Variants in FUT5 observed in about 807,000 individuals in gnomAD.
FUT5 encodes 4-galactosyl-N-acetylglucosaminide 3-alpha-L-fucosyltransferase FUT5.
Under a neutral mutation model 0.8 loss-of-function variants are expected in FUT5, and 1 was observed. The ratio of observed to expected loss-of-function variants is 1.26; its 90% CI spans 0.45 to 5.99. The LOEUF (loss-of-function observed/expected upper bound fraction) is 5.99. Ranked by LOEUF, FUT5 falls within the 30% of genes most tolerant of loss-of-function variation. The probability of loss-of-function intolerance (pLI) is 0.15; values close to 1 mark genes in which losing one functional copy is unlikely to be tolerated. For missense variants in FUT5, 437 were observed against 517.8 expected, an observed-to-expected ratio of 0.84 and a Z score of 1.51; for synonymous variants, 212 against 225.7, an observed-to-expected ratio of 0.94 and a Z score of 0.54.
rs1462662006 is a variant in FUT5, at chr19:5,867,072, G to C, written c.654C>G (p.Ala218=). The C allele has an allele frequency of 6.2e-7, 1 of 1,613,534 alleles. No homozygotes were observed. ...GCAGGCTCTGGTAGTAGCGCACCCT[G>C]GCCGAGTCCGGCTTCCAGTTGGACA... ...WAVSNWKPDS[A]RVRYYQSLQA... Residue 218 remains alanine, a synonymous_variant, in exon 2 of 2, where the codon GCC becomes GCG. Transcript: ENST00000588525. This position sits in a 1 kb window ranked among gnomAD's most constrained non-coding sequence, Gnocchi z 5.0.
In FUT5 at chr19:5,866,731, T is replaced by C. The variant is rs200864352; in HGVS notation, c.995A>G (p.Tyr332Cys). Reference sequence around the variant, plus strand: ...CCGCAGCGTCTCCCGCCAGTGAAAGTAGCTCAGGTAGCGGGCGTGGTCCTT... The same window carrying C: ...CCGCAGCGTCTCCCGCCAGTGAAAGCAGCTCAGGTAGCGGGCGTGGTCCTT... ...LDKDHARYLS[Y>C]FHWRETLRPR... The change falls in exon 2 of 2, where the codon TAC becomes TGC. Residue 332 changes from tyrosine (Y) to cysteine (C), a missense_variant. By Grantham distance (194) the Tyr-to-Cys change is radical. Around this residue, in one of 2 missense-constraint regions of FUT5, gnomAD observed 176 missense variants for 275.2 expected, o/e 0.64. Transcript: ENST00000588525. The surrounding 1 kb of genome is among the most constrained non-coding windows in gnomAD (Gnocchi z 4.9). 1.4e-4 allele frequency: 221 copies of C among 1,600,490 alleles called. No homozygotes were observed. The highest frequency in any genetic ancestry group is 1.8e-4 in the Non-Finnish European group (209 of 1,174,946).
Position 5,866,364 on chromosome 19 carries a change from G to A in FUT5, c.*237C>T. 6.1e-6 allele frequency: 4 copies of A among 656,148 alleles called. No homozygotes were observed. The highest frequency in any genetic ancestry group is 4.2e-4 in the Middle Eastern group (1 of 2,376). 40.6% of individuals were successfully genotyped at this position (656,148 alleles called of 1,614,324 possible). On this transcript the variant is annotated 3_prime_UTR_variant, in exon 2 of 2. Coordinates refer to ENST00000588525, the MANE Select transcript of FUT5 (RefSeq NM_002034.2). This position sits in a 1 kb window ranked among gnomAD's most constrained non-coding sequence, Gnocchi z 4.9. ...CACCATCCCCAGCCCCAGCTGGCAA[G>A]GTCCCCAGCAGGGGAGGCTCCTGGC...
Position 5,866,746 on chromosome 19 carries a change from G to A in FUT5, c.980C>T (p.Ala327Val), listed in dbSNP as rs756192247. 7 of 1,598,860 alleles carry A rather than the reference G, an allele frequency of 4.4e-6. No homozygotes were observed. The South Asian group carries it at 7.8e-5, about 18-fold the overall frequency. ...RYLQELDKDH[A>V]RYLSYFHWRE... ...CCAGTGAAAGTAGCTCAGGTAGCGG[G>A]CGTGGTCCTTGTCCAGCTCCTGCAG... Residue 327 changes from alanine (A) to valine (V), a missense_variant, in exon 2 of 2, where the codon GCC (alanine) becomes GTC (valine). Coordinates refer to ENST00000588525, the MANE Select transcript of FUT5 (RefSeq NM_002034.2). The surrounding 1 kb of genome is among the most constrained non-coding windows in gnomAD (Gnocchi z 4.9).
chr19:5,866,621 T>C lies in FUT5; in HGVS notation c.1105A>G (p.Ile369Val), dbSNP rs779278026. Residue 369 changes from isoleucine (I) to valine (V), a missense_variant, in exon 2 of 2, where the codon ATA (isoleucine) becomes GTA (valine). Ile to Val is a conservative substitution (Grantham distance 29). Around this residue, in one of 2 missense-constraint regions of FUT5, gnomAD observed 176 missense variants for 275.2 expected, o/e 0.64. Coordinates refer to ENST00000588525, the MANE Select transcript of FUT5 (RefSeq NM_002034.2). This position sits in a 1 kb window ranked among gnomAD's most constrained non-coding sequence, Gnocchi z 4.9. ...GCCTCTCAGGTGAACCAAGCCGCTATGCTGCGCACCGTCTGGTACCTAGAT... is the reference window on the plus strand; with the variant it reads ...GCCTCTCAGGTGAACCAAGCCGCTACGCTGCGCACCGTCTGGTACCTAGAT... ...QESRYQTVRSIAAWFT is the reference protein window; with the variant it reads ...QESRYQTVRSVAAWFT 1 of 1,613,308 alleles carries C rather than the reference T, an allele frequency of 6.2e-7. No homozygotes were observed. The highest frequency in any genetic ancestry group is 2.2e-5 in the East Asian group (1 of 44,874).
chr19:5,867,608 C>T lies in FUT5; in HGVS notation c.118G>A (p.Asp40Asn), dbSNP rs570071116. 1.5e-5 allele frequency: 24 copies of T among 1,613,550 alleles called. 1 individual carries two copies. In the South Asian group the frequency reaches 1.5e-4, roughly 10 times the overall value. ...FFSYLRVSRDDATGSPRPGLM... is the reference protein window; with the variant it reads ...FFSYLRVSRDNATGSPRPGLM... ...CCTGGCCTAGGGGATCCAGTGGCATCGTCTCGGGACACACGCAGGTAGGAG... is the reference window on the plus strand; with the variant it reads ...CCTGGCCTAGGGGATCCAGTGGCATTGTCTCGGGACACACGCAGGTAGGAG... Residue 40 changes from aspartate to asparagine, a missense_variant, in exon 2 of 2, where the codon GAT becomes AAT. Physicochemically the swap from Asp to Asn is conservative, Grantham distance 23. Around this residue, in one of 2 missense-constraint regions of FUT5, gnomAD observed 261 missense variants for 242.6 expected, o/e 1.08. Transcript: ENST00000588525. The surrounding 1 kb of genome is among the most constrained non-coding windows in gnomAD (Gnocchi z 5.0).
In FUT5 at chr19:5,867,232, T is replaced by C; in HGVS notation, c.494A>G (p.Tyr165Cys). ...NCRHLEALDG[Y>C]FNLTMSYRSD... ...GCGGTAGGACATGGTGAGATTGAAG[T>C]ATCCGTCCAGGGCTTCCAGGTGCCG... The change falls in exon 2 of 2, where the codon TAC becomes TGC. Residue 165 changes from tyrosine (Y) to cysteine (C), a missense_variant. Transcript: ENST00000588525. The surrounding 1 kb of genome is among the most constrained non-coding windows in gnomAD (Gnocchi z 5.0). The C allele has an allele frequency of 6.2e-7, 1 of 1,613,158 alleles. No homozygotes were observed. Among genetic ancestry groups the C allele is most frequent in the Non-Finnish European group, 8.5e-7 (1 of 1,179,978 alleles).
Position 5,869,300 on chromosome 19 carries a change from TA to T in FUT5, c.-13+1164del, listed in dbSNP as rs1456041315. Among the ~76,000 whole-genome samples, 208 of 137,314 alleles carry T rather than the reference TA, an allele frequency of 1.5e-3. 3 individuals carry two copies. The highest frequency in any genetic ancestry group is 9.0e-3 in the East Asian group (42 of 4,686). The allele number at this position is 137,314 out of a possible 152,430, so 90.1% of individuals were successfully genotyped here. On this transcript the variant is annotated intron_variant, in intron 1 of 1. Transcript: ENST00000588525. ...AGCCTTTTTTTTTTTTTTTTTTTTT[TA>T]AATTTACTTTTGAGACTTGGCTCAC...
Position 5,867,885 on chromosome 19 carries a change from C to CT in FUT5, c.-12-149dup, listed in dbSNP as rs2057511293. On this transcript the variant is annotated intron_variant, in intron 1 of 1. Coordinates refer to ENST00000588525, the MANE Select transcript of FUT5 (RefSeq NM_002034.2). The surrounding 1 kb of genome is among the most constrained non-coding windows in gnomAD (Gnocchi z 5.0). ...TGAGTTGAGGATTGAATTTATAACT[C>CT]TGACAGGGAAGGGTACGATGGGATT... 1 of 864,012 alleles carries CT rather than the reference C, an allele frequency of 1.2e-6. No individual in the cohort carries two copies. The highest frequency in any genetic ancestry group is 1.8e-6 in the Non-Finnish European group (1 of 541,004). 53.5% of individuals were successfully genotyped at this position (864,012 alleles called of 1,614,324 possible). A position where few individuals can be genotyped will look rare whatever the true frequency, so the allele number is the denominator to read the frequency against.
At chr19:5,870,029 G>A (rs1289658701) in intron 1 of FUT5, among the ~76,000 whole-genome samples, 1 of 119,140 alleles carries the variant, frequency 8.4e-6, no homozygotes, top group Non-Finnish European at 1.6e-5. Flanking sequence ...TTGCGCCACT[G>A]CACTCCAGCT....
intron 1 of FUT5, among the ~76,000 whole-genome samples, chr19:5,868,987 A>ATT (rs532737030): frequency 7.2e-6 from 1 of 139,256 alleles, no homozygotes; most frequent in African/African-American, 2.6e-5. Flanking sequence ...TGCCCAGCTA[A>ATT]TTTTTTTTTT....
chr19:5,866,417 G>GT lies in FUT5; in HGVS notation c.*183dup. The GT allele has an allele frequency of 2.1e-6, 2 of 952,394 alleles. No homozygotes were observed. Among genetic ancestry groups the GT allele is most frequent in the Non-Finnish European group, 3.2e-6 (2 of 626,684 alleles). The allele number at this position is 952,394 out of a possible 1,614,324, so 59.0% of individuals were successfully genotyped here. A position where few individuals can be genotyped will look rare whatever the true frequency, so the allele number is the denominator to read the frequency against. On this transcript the variant is annotated 3_prime_UTR_variant, in exon 2 of 2. Transcript: ENST00000588525. The surrounding 1 kb of genome is among the most constrained non-coding windows in gnomAD (Gnocchi z 4.9). ...TGAAGCCCGGCAAGTGAAATCCCAGGTAAGTCACATGCCTGGCCACCAAAG... is the reference window on the plus strand; with the variant it reads ...TGAAGCCCGGCAAGTGAAATCCCAGGTTAAGTCACATGCCTGGCCACCAAAG...
chr19:5,869,071 T>G lies in FUT5; in HGVS notation c.-12-1334A>C, dbSNP rs546435648. Reference sequence around the variant, plus strand: ...ATCTCGGCTCACTGCAAGCTCCACCTCCCGGGTTCATGCCATTCTCCTGCC... The same window carrying G: ...ATCTCGGCTCACTGCAAGCTCCACCGCCCGGGTTCATGCCATTCTCCTGCC... On this transcript the variant is annotated intron_variant, in intron 1 of 1. Coordinates refer to ENST00000588525, the MANE Select transcript of FUT5 (RefSeq NM_002034.2). 9.9e-5 allele frequency among the ~76,000 whole-genome samples: 15 copies of G among 151,540 alleles called. No individual in the cohort carries two copies. In the East Asian group the frequency reaches 2.9e-3, roughly 30 times the overall value.
intron 1 of FUT5, among the ~76,000 whole-genome samples, chr19:5,868,159 G>GA (rs989700612): frequency 4.6e-5 from 7 of 152,164 alleles, no homozygotes; most frequent in Non-Finnish European, 4.4e-5. Context: ...CGTCCTGGGG[G>GA]AGAGGCTGAG....
chr19:5,869,819 C>T (rs551609622), intron 1 of FUT5, among the ~76,000 whole-genome samples: 29 of 152,150 alleles, frequency 1.9e-4, no homozygotes, highest in Middle Eastern at 3.4e-3. Context: ...TGGTGCCTCA[C>T]GTCTGTAATA....
rs1213079738 is a variant in FUT5 at position 5,867,529 on chromosome 19, T to C, written c.197A>G (p.Asp66Gly). 6.2e-7 allele frequency: 1 copy of C among 1,613,178 alleles called. No homozygotes were observed. The highest frequency in any genetic ancestry group is 8.5e-7 in the Non-Finnish European group (1 of 1,179,908). ...GGGGTGGGCAGGGGTCGCCATGCTG[T>C]CCTGGCAGCGGGACCCATTGGGAGC... is the stretch of plus-strand genomic sequence containing the variant. ...TGAPNGSRCQ[D>G]SMATPAHPTL... Residue 66 changes from aspartate (D) to glycine (G), a missense_variant, in exon 2 of 2, where the codon GAC becomes GGC. This residue lies in a region of FUT5 where 261 missense variants were observed against 242.6 expected (regional missense o/e 1.08). Coordinates refer to ENST00000588525, the MANE Select transcript of FUT5 (RefSeq NM_002034.2). This position sits in a 1 kb window ranked among gnomAD's most constrained non-coding sequence, Gnocchi z 5.0.
rs2057517597 is a variant in FUT5, at chr19:5,869,997, CG to C, written c.-13+467del. Among the ~76,000 whole-genome samples the C allele has an allele frequency of 1.2e-4, 14 of 120,976 alleles. No homozygotes were observed. In the South Asian group the frequency reaches 3.9e-3, roughly 34 times the overall value. 79.4% of individuals were successfully genotyped at this position (120,976 alleles called of 152,430 possible). A position where few individuals can be genotyped will look rare whatever the true frequency, so the allele number is the denominator to read the frequency against. On this transcript the variant is annotated intron_variant, in intron 1 of 1. Coordinates refer to ENST00000588525, the MANE Select transcript of FUT5 (RefSeq NM_002034.2). ...GGCAGAATTGCTTGAACCCGGGAGG[CG>C]GGGGTTGCAGTGAGCTGAGATTGCG...
At chr19:5,869,404 C>T (rs1326109883) in intron 1 of FUT5, among the ~76,000 whole-genome samples, 1 of 151,620 alleles carries the variant, frequency 6.6e-6, no homozygotes, top group Non-Finnish European at 1.5e-5. Flanking sequence ...GTGGGTACCA[C>T]CATGCCCGGC....
At chr19:5,869,057 C>T (rs1363255975) in intron 1 of FUT5, among the ~76,000 whole-genome samples, 1 of 151,682 alleles carries the variant, frequency 6.6e-6, no homozygotes, top group Non-Finnish European at 1.5e-5. Flanking sequence ...TCTCGGCTCA[C>T]TGCAAGCTCC....
At chr19:5,868,489 G>A (rs540525039) in intron 1 of FUT5, among the ~76,000 whole-genome samples, 95 of 152,170 alleles carry the variant, frequency 6.2e-4, no homozygotes, top group African/African-American at 2.1e-3. Flanking sequence ...ATGCCAGGGT[G>A]GACTGTTTAC....
Sources: gnomAD v4.1 joint callset for allele counts (sites outside exome capture counted in the v4.1 genomes callset) on GRCh38, gnomAD v4.1.1 for gene constraint, gnomAD v4.1.1 regional missense constraint, Gnocchi (gnomAD v3.1) non-coding constraint, MANE v1.5 for transcripts, NCBI Gene and HGNC (gene_info 2026-07-23, HGNC 2026-07-21) for gene names.